Variants in KIAA1328 observed in about 807,000 individuals in gnomAD.
KIAA1328 encodes the protein KIAA1328, also known as protein hinderin.
A neutral mutation model predicts 68.1 loss-of-function variants in KIAA1328; 52 were observed. The ratio of observed to expected loss-of-function variants is 0.76; its 90% CI spans 0.61 to 0.96. The LOEUF is 0.96. KIAA1328 is among the 40% of genes least tolerant of loss of function. The pLI, the probability that KIAA1328 is intolerant of heterozygous loss-of-function variation, is 0.00. For synonymous variants in KIAA1328, 232 were observed against 239.4 expected (o/e 0.97, Z 0.28); for missense variants, 641 against 677.6 (o/e 0.95, Z 0.60).
At chr18:36,954,095 C>T (rs898623155) in intron 5 of KIAA1328, among the ~76,000 whole-genome samples, 14 of 147,430 alleles carry the variant, frequency 9.5e-5, no homozygotes, top group Non-Finnish European at 7.4e-5. Flanking sequence ...CTCTGCTTCC[C>T]GGGTTCACGC....
chr18:36,927,236 G>GT (rs1360626601), intron 5 of KIAA1328, among the ~76,000 whole-genome samples: 1 of 152,170 alleles, frequency 6.6e-6, no homozygotes, highest in Non-Finnish European at 1.5e-5. Flanking sequence ...CCATGGTAAT[G>GT]TAAGATACTA....
intron 6 of KIAA1328, among the ~76,000 whole-genome samples, chr18:37,008,225 G>T (rs1195413433): frequency 6.6e-6 from 1 of 152,236 alleles, no homozygotes; most frequent in Non-Finnish European, 1.5e-5. Flanking sequence ...GAAAGCTCTG[G>T]AGAAGGGTGT....
At chr18:36,933,247 A>G (rs2050377507) in intron 5 of KIAA1328, among the ~76,000 whole-genome samples, 1 of 152,168 alleles carries the variant, frequency 6.6e-6, no homozygotes, top group Admixed American at 6.5e-5. Context: ...CTATTTCTTA[A>G]CTGTGTGGCT....
intron 6 of KIAA1328, among the ~76,000 whole-genome samples, chr18:36,962,048 A>C (rs1186330607): frequency 6.6e-6 from 1 of 152,192 alleles, no homozygotes; most frequent in Non-Finnish European, 1.5e-5. Context: ...AGACCTATCA[A>C]TGTGCTGTAT....
At chr18:36,859,998 ATAT>A (rs2047512811) in intron 4 of KIAA1328, among the ~76,000 whole-genome samples, 1 of 151,542 alleles carries the variant, frequency 6.6e-6, no homozygotes, top group Admixed American at 6.6e-5. Context: ...TTGATATGTA[ATAT>A]TTTACTGTCA....
At position 36,945,175 on chromosome 18, in the gene KIAA1328, G is replaced by A. The variant is rs900471122; in HGVS notation, c.449-14133G>A. Among the ~76,000 whole-genome samples, 10 of 152,124 alleles carry A rather than the reference G, an allele frequency of 6.6e-5. 1 individual carries two copies. The highest frequency in any genetic ancestry group is 6.5e-4 in the Admixed American group (10 of 15,268). Reference sequence around the variant, plus strand: ...AGCCCCTTGATTTTAGTGATATTGTGAAACTTTTGTCTTTGAGTATTTTTG... The same window carrying A: ...AGCCCCTTGATTTTAGTGATATTGTAAAACTTTTGTCTTTGAGTATTTTTG... On this transcript the variant is annotated intron_variant, in intron 5 of 9. Transcript: ENST00000280020.
At chr18:37,116,896 A>G (rs1467870970) in intron 7 of KIAA1328, among the ~76,000 whole-genome samples, 1 of 152,386 alleles carries the variant, frequency 6.6e-6, no homozygotes, top group East Asian at 1.9e-4. Context: ...TGCAGCCAAC[A>G]GACATATGAA....
chr18:37,052,651 GA>G (rs1391742652), intron 6 of KIAA1328, among the ~76,000 whole-genome samples: 2 of 151,346 alleles, frequency 1.3e-5, no homozygotes, highest in African/African-American at 4.9e-5. Flanking sequence ...TAAGGTTTCA[GA>G]ATACAGAATC....
At chr18:37,072,065 A>G (rs1163487156) in intron 7 of KIAA1328, among the ~76,000 whole-genome samples, 1 of 152,204 alleles carries the variant, frequency 6.6e-6, no homozygotes, top group African/African-American at 2.4e-5. Context: ...AGAAAAGTGA[A>G]GAGAGGAAAA....
chr18:37,145,225 A>G (rs1181962529), intron 7 of KIAA1328, among the ~76,000 whole-genome samples: 1 of 152,210 alleles, frequency 6.6e-6, no homozygotes, highest in Non-Finnish European at 1.5e-5. Flanking sequence ...AGAAAGAAAA[A>G]AAAAAGTATG....
At chr18:36,943,095 A>G (rs982826490) in intron 5 of KIAA1328, among the ~76,000 whole-genome samples, 2 of 152,208 alleles carry the variant, frequency 1.3e-5, no homozygotes, top group African/African-American at 2.4e-5. Context: ...GGAGCTAACA[A>G]TGTACCTGGG....
chr18:37,154,426 CTTTA>C (rs952402708), intron 7 of KIAA1328, among the ~76,000 whole-genome samples: 7 of 152,148 alleles, frequency 4.6e-5, no homozygotes, highest in Non-Finnish European at 4.4e-5. Flanking sequence ...TTGCATATCT[CTTTA>C]TTTATGTGAA....
intron 7 of KIAA1328, among the ~76,000 whole-genome samples, chr18:37,117,709 A>G (rs1017875155): frequency 2.0e-5 from 3 of 152,090 alleles, no homozygotes; most frequent in Admixed American, 6.6e-5. Flanking sequence ...TACTCCTGAA[A>G]ACATGCTAAC....
intron 5 of KIAA1328, among the ~76,000 whole-genome samples, chr18:36,949,498 C>T (rs978936493): frequency 6.6e-6 from 1 of 151,498 alleles, no homozygotes; most frequent in African/African-American, 2.4e-5. Context: ...AACCTTGGGT[C>T]TCCATTGTGT....
At chr18:36,933,794 G>A (rs2050400526) in intron 5 of KIAA1328, among the ~76,000 whole-genome samples, 1 of 152,232 alleles carries the variant, frequency 6.6e-6, no homozygotes, top group African/African-American at 2.4e-5. Context: ...GAGCAGCCAG[G>A]CAGGGGCCTT....
intron 9 of KIAA1328, among the ~76,000 whole-genome samples, chr18:37,195,009 A>C (rs1414841588): frequency 1.3e-5 from 2 of 152,166 alleles, no homozygotes; most frequent in Admixed American, 6.5e-5. Context: ...TGGGTGGTAC[A>C]TGTGGTATTT....
chr18:37,002,790 C>A (rs1568277893), intron 6 of KIAA1328, among the ~76,000 whole-genome samples: 1 of 151,994 alleles, frequency 6.6e-6, no homozygotes, highest in Admixed American at 6.6e-5. Context: ...AGATTTAGTG[C>A]AATTTCTATC....
chr18:37,182,028 A>G (rs181868213), intron 9 of KIAA1328, among the ~76,000 whole-genome samples: 1 of 152,234 alleles, frequency 6.6e-6, no homozygotes, highest in Admixed American at 6.5e-5. Flanking sequence ...CCAGCAATAG[A>G]TGAGGATTAT....
rs1199571680 is a variant in KIAA1328, at chr18:37,222,825, A to G, written c.*598A>G. Reference sequence around the variant, plus strand: ...CATCAGCCTGGCAGCTGCCCATCCCATAACCAAAGAGCTCAATGGGCTGGA... The same window carrying G: ...CATCAGCCTGGCAGCTGCCCATCCCGTAACCAAAGAGCTCAATGGGCTGGA... On this transcript the variant is annotated 3_prime_UTR_variant, in exon 10 of 10. Transcript: ENST00000280020. 4.0e-6 allele frequency: 4 copies of G among 991,092 alleles called. No homozygotes were observed. The highest frequency in any genetic ancestry group is 4.8e-6 in the Non-Finnish European group (4 of 833,954). The allele number at this position is 991,092 out of a possible 1,614,324, so 61.4% of individuals were successfully genotyped here. A position where few individuals can be genotyped will look rare whatever the true frequency, so the allele number is the denominator to read the frequency against.
Sources: gnomAD v4.1 joint callset for allele counts (sites outside exome capture counted in the v4.1 genomes callset) on GRCh38, gnomAD v4.1.1 for gene constraint, MANE v1.5 for transcripts, NCBI Gene and HGNC (gene_info 2026-07-23, HGNC 2026-07-21) for gene names.